Variants in TNC observed in about 807,000 individuals in gnomAD.
The protein encoded by TNC is tenascin C.
TNC carries 109 observed loss-of-function variants against 202.4 expected under a neutral mutation model. That is an observed-to-expected ratio of 0.54 (90% CI 0.46 to 0.63). The LOEUF is 0.63. TNC is among the 30% of genes least tolerant of loss of function. The probability of loss-of-function intolerance (pLI) is 0.00; values close to 1 mark genes in which losing one functional copy is unlikely to be tolerated. For synonymous variants in TNC, 1,007 were observed against 1,089.7 expected (o/e 0.92, Z 1.50); for missense variants, 2,756 against 2,833.3 (o/e 0.97, Z 0.62).
chr9:115,093,192 A>C lies in TNC; in HGVS notation c.-136-2038T>G, dbSNP rs144437684. Among the ~76,000 whole-genome samples the C allele has an allele frequency of 5.5e-4, 83 of 152,268 alleles. 1 individual carries two copies. In the East Asian group the frequency reaches 0.016, roughly 29 times the overall value. On this transcript the variant is annotated intron_variant, in intron 1 of 27. Coordinates refer to ENST00000350763, the MANE Select transcript of TNC (RefSeq NM_002160.4). ...TATATGACTGATCAGGGGCCTAAGGACTGAGAAAGCACTAGTGAATTTAAC... is the reference window on the plus strand; with the variant it reads ...TATATGACTGATCAGGGGCCTAAGGCCTGAGAAAGCACTAGTGAATTTAAC...
chr9:115,115,470 T>C (rs927216101), intron 1 of TNC, among the ~76,000 whole-genome samples: 1 of 152,178 alleles, frequency 6.6e-6, no homozygotes, highest in Non-Finnish European at 1.5e-5. Context: ...CTTGAAGCCA[T>C]CTCTTTGTCC....
chr9:115,052,973 G>A (rs1330056553), intron 15 of TNC: 6 of 702,542 alleles, frequency 8.5e-6, no homozygotes, highest in South Asian at 3.0e-5. Context: ...GCTTTTTGGA[G>A]TAATATTGCT....
chr9:115,073,568 A>T (rs1053014920), intron 10 of TNC, 35 bp downstream of exon 10: 2 of 1,597,406 alleles, frequency 1.3e-6, no homozygotes, highest in African/African-American at 1.3e-5. Context: ...CTCAGAATCA[A>T]CCTAGAGTTT....
intron 15 of TNC, chr9:115,055,497 G>T (rs77589961): frequency 7.7e-5 from 11 of 142,136 alleles, no homozygotes; most frequent in African/African-American, 3.0e-4. Context: ...TGGACCATCA[G>T]GGTCTGAGCA....
chr9:115,087,061 C>A lies in TNC; in HGVS notation c.670G>T (p.Asp224Tyr), dbSNP rs201357679. 2 of 1,613,416 alleles carry A rather than the reference C, an allele frequency of 1.2e-6. No homozygotes were observed. Among genetic ancestry groups the A allele is most frequent in the Admixed American group, 1.7e-5 (1 of 59,960 alleles). Reference sequence around the variant, plus strand: ...ACGCACTTGCCCTGGTCATTGCAGTCGCTGGGGCAAGCCAGCTGGCTGCAG... The same window carrying A: ...ACGCACTTGCCCTGGTCATTGCAGTAGCTGGGGCAAGCCAGCTGGCTGCAG... Reference protein sequence around the residue: ...EDCSQLACPSDCNDQGKCVNG... With the variant: ...EDCSQLACPSYCNDQGKCVNG... The change falls in exon 3 of 28, where the codon GAC becomes TAC. Residue 224 changes from aspartate to tyrosine, a missense_variant. Physicochemically the swap from Asp to Tyr is radical, Grantham distance 160 (BLOSUM62 -3). This residue lies in a region of TNC where 2,559 missense variants were observed against 2,546.0 expected (regional missense o/e 1.01). Transcript: ENST00000350763.
At chr9:115,077,483 C>T (rs548187463) in intron 7 of TNC, among the ~76,000 whole-genome samples, 1 of 152,336 alleles carries the variant, frequency 6.6e-6, no homozygotes, top group Admixed American at 6.5e-5. Flanking sequence ...AGCCACCACG[C>T]CCGGCCTCCT....
At chr9:115,091,446 C>T (rs1021155592) in intron 1 of TNC, among the ~76,000 whole-genome samples, 13 of 152,198 alleles carry the variant, frequency 8.5e-5, no homozygotes, top group Admixed American at 2.6e-4. Flanking sequence ...GGCTGTAGCT[C>T]TGGTCCCTTG....
At chr9:115,088,563 GGA>G (rs1834971142) in intron 2 of TNC, among the ~76,000 whole-genome samples, 1 of 152,120 alleles carries the variant, frequency 6.6e-6, no homozygotes, top group African/African-American at 2.4e-5. Context: ...TGATCTCCAT[GGA>G]GCTTAAGGAG....
At chr9:115,063,508 C>A (rs1054802609) in intron 12 of TNC, among the ~76,000 whole-genome samples, 18 of 152,118 alleles carry the variant, frequency 1.2e-4, no homozygotes, top group African/African-American at 4.3e-4. Context: ...TCTTCATTTA[C>A]AGGTTGGGCT....
intron 16 of TNC, among the ~76,000 whole-genome samples, chr9:115,046,948 C>G (rs1468199192): frequency 3.3e-5 from 5 of 152,140 alleles, no homozygotes; most frequent in Non-Finnish European, 7.3e-5. Flanking sequence ...TCAGTAAATC[C>G]ACATCTGGAC....
chr9:115,098,938 A>ATTTTTTTTTTT (rs35624621), intron 1 of TNC, among the ~76,000 whole-genome samples: 2 of 127,360 alleles, frequency 1.6e-5, no homozygotes, highest in African/African-American at 3.0e-5. Context: ...TTAAGTGTGT[A>ATTTTTTTTTTT]TTTTTTTTTT....
chr9:115,115,136 T>G (rs1837369843), intron 1 of TNC: 2 of 152,210 alleles, frequency 1.3e-5, no homozygotes, highest in African/African-American at 4.8e-5. Flanking sequence ...TATGTGCTCT[T>G]AATTTATTGT....
chr9:115,069,600 C>T (rs1833215875), intron 10 of TNC, among the ~76,000 whole-genome samples: 1 of 19,714 alleles, frequency 5.1e-5, no homozygotes, highest in Non-Finnish European at 1.1e-4. Flanking sequence ...CCTTCCCTTC[C>T]TCCCTCCCTC....
rs750492711 is a variant in TNC at position 115,086,992 on chromosome 9, A to C, written c.739T>G (p.Cys247Gly). The C allele has an allele frequency of 5.0e-6, 8 of 1,614,092 alleles. No homozygotes were observed. Among genetic ancestry groups the C allele is most frequent in the Non-Finnish European group, 4.2e-6 (5 of 1,180,052 alleles). ...GGCACTGGGCAGATTTCACGGCTGC[A>C]GTCAGCCCCGGCGTAGCCTTCGAAA... ...ICFEGYAGAD[C>G]SREICPVPCS... The change falls in exon 3 of 28, where the codon TGC becomes GGC. Residue 247 changes from cysteine to glycine, a missense_variant. This residue lies in a region of TNC where 2,559 missense variants were observed against 2,546.0 expected (regional missense o/e 1.01). Coordinates refer to ENST00000350763, the MANE Select transcript of TNC (RefSeq NM_002160.4).
intron 1 of TNC, among the ~76,000 whole-genome samples, chr9:115,093,626 T>C (rs1835395657): frequency 6.6e-6 from 1 of 152,130 alleles, no homozygotes; most frequent in African/African-American, 2.4e-5. Context: ...TTAGCTTTTT[T>C]TTTTTTTTTT....
intron 2 of TNC, among the ~76,000 whole-genome samples, chr9:115,087,924 C>T (rs1834924251): frequency 6.6e-6 from 1 of 152,004 alleles, no homozygotes; most frequent in Admixed American, 6.5e-5. Context: ...AGGATGGTCT[C>T]AATATCCTGA....
At position 115,085,976 on chromosome 9, in the gene TNC, T is replaced by C. The variant is rs1395516131; in HGVS notation, c.1755A>G (p.Thr585=). 5.0e-6 allele frequency: 8 copies of C among 1,613,816 alleles called. 1 individual carries two copies. The Admixed American group carries it at 8.3e-5, about 17-fold the overall frequency. The part of the protein sequence containing the change: ...DGQCICHEGF[T]GLDCGQHSCP... ...AGGAGTGCTGGCCACAGTCCAGGCCTGTGAAGCCCTCGTGGCAGATGCACT... is the reference window on the plus strand; with the variant it reads ...AGGAGTGCTGGCCACAGTCCAGGCCCGTGAAGCCCTCGTGGCAGATGCACT... Residue 585 remains threonine (T), a synonymous_variant, in exon 3 of 28, where the codon ACA becomes ACG. Coordinates refer to ENST00000350763, the MANE Select transcript of TNC (RefSeq NM_002160.4).
rs369449631 is a variant in TNC at position 115,078,154 on chromosome 9, G to A, written c.2463C>T (p.Ile821=). ...VKDVTDTTAL[I]TWFKPLAEID... ...TCTCAGCCAGGGGCTTGAACCAGGTGATCAAGGCAGTGGTGTCTGTGACAT... is the reference window on the plus strand; with the variant it reads ...TCTCAGCCAGGGGCTTGAACCAGGTAATCAAGGCAGTGGTGTCTGTGACAT... The change falls in exon 7 of 28, where the codon ATC becomes ATT. Residue 821 remains isoleucine, a synonymous_variant. Transcript: ENST00000350763. 40 of 1,613,840 alleles carry A rather than the reference G, an allele frequency of 2.5e-5. No homozygotes were observed. The highest frequency in any genetic ancestry group is 3.4e-5 in the Non-Finnish European group (40 of 1,179,846).
chr9:115,099,600 T>A (rs1397879001), intron 1 of TNC, among the ~76,000 whole-genome samples: 4 of 152,208 alleles, frequency 2.6e-5, no homozygotes, highest in African/African-American at 9.7e-5. Context: ...AATTTTCACA[T>A]CTGTAAAATG....
Sources: allele counts gnomAD v4.1 joint callset (sites outside exome capture counted in the v4.1 genomes callset), GRCh38; gene constraint gnomAD v4.1.1; regional missense constraint gnomAD v4.1.1; transcripts MANE v1.5; gene names NCBI Gene and HGNC (gene_info 2026-07-23, HGNC 2026-07-21).